Variants in RAB38 observed in about 807,000 individuals in gnomAD.
The protein encoded by RAB38 is RAB38, member RAS oncogene family.
Under a neutral mutation model 18.4 loss-of-function variants are expected in RAB38, and 15 were observed. The observed-to-expected ratio is 0.82, with a 90% confidence interval of 0.55 to 1.26. The LOEUF is 1.26. Among genes scored for constraint, RAB38 ranks in the 50% most tolerant of loss-of-function variants. The probability of loss-of-function intolerance (pLI) is 0.00; values close to 1 mark genes in which losing one functional copy is unlikely to be tolerated. For synonymous variants in RAB38, 101 were observed against 104.4 expected, an observed-to-expected ratio of 0.97 and a Z score of 0.20; for missense variants, 294 against 267.4, an observed-to-expected ratio of 1.10 and a Z score of -0.69.
intron 1 of RAB38, among the ~76,000 whole-genome samples, chr11:88,155,123 C>T (rs538996228): frequency 6.6e-6 from 1 of 152,280 alleles, no homozygotes; most frequent in South Asian, 2.1e-4. Flanking sequence ...TTGGTAGCTG[C>T]CCCCCAGATT....
At position 88,113,899 on chromosome 11, in the gene RAB38, A is replaced by G. The variant is rs2134766181; in HGVS notation, c.*89T>C. ...TTGGCTTGCCACATGTGGTATCTCT[A>G]TCCTGACGTTTACCCAAAATGGTAA... On this transcript the variant is annotated 3_prime_UTR_variant, in exon 3 of 3. Transcript: ENST00000243662. 1.3e-6 allele frequency: 2 copies of G among 1,509,860 alleles called. No homozygotes were observed. Among genetic ancestry groups the G allele is most frequent in the Middle Eastern group, 1.7e-4 (1 of 5,806 alleles). 93.5% of individuals were successfully genotyped at this position (1,509,860 alleles called of 1,614,324 possible). A position where few individuals can be genotyped will look rare whatever the true frequency, so the allele number is the denominator to read the frequency against.
intron 1 of RAB38, 80 bp from the exon 2 acceptor site, chr11:88,150,035 G>T: frequency 7.1e-7 from 1 of 1,417,656 alleles, no homozygotes. Flanking sequence ...AAGCCTCCAA[G>T]ATGAGCAAGT....
In RAB38 at chr11:88,168,575, G is replaced by A. The variant is rs149779593; in HGVS notation, c.202+6608C>T. The stretch of plus-strand genomic sequence containing the variant: ...GTAAGAGCAAAGATCAACCTATTCC[G>A]ATCACCCCTAAATTTCTCTGCTTAT... On this transcript the variant is annotated intron_variant, in intron 1 of 2. Transcript: ENST00000243662. Among the ~76,000 whole-genome samples, 57 of 152,138 alleles carry A rather than the reference G, an allele frequency of 3.7e-4. No individual in the cohort carries two copies. In the East Asian group the frequency reaches 9.1e-3, roughly 24 times the overall value.
rs1204739806 is a variant in RAB38, at chr11:88,114,436, A to C, written c.484-296T>G. 2.6e-5 allele frequency among the ~76,000 whole-genome samples: 4 copies of C among 152,372 alleles called. No homozygotes were observed. The East Asian group carries it at 7.7e-4, about 29-fold the overall frequency. ...CTTATTTTCACATTTTCACATACTCAAACTATAAAAATATTGTAGAAGAAA... is the reference window on the plus strand; with the variant it reads ...CTTATTTTCACATTTTCACATACTCCAACTATAAAAATATTGTAGAAGAAA... On this transcript the variant is annotated intron_variant, in intron 2 of 2. Transcript: ENST00000243662.
At chr11:87,954,595 G>T in the RAB38 span, among the ~76,000 whole-genome samples, 5,526 of 151,906 alleles carry the variant, frequency 0.036, 330 homozygotes, top group African/African-American at 0.13. Context: ...TTTTTCCTCA[G>T]TTTTCTGTGA....
intron 1 of RAB38, among the ~76,000 whole-genome samples, chr11:88,163,156 C>A (rs1463642455): frequency 6.6e-6 from 1 of 152,038 alleles, no homozygotes; most frequent in Admixed American, 6.6e-5. Context: ...ACTGTAGATT[C>A]CTTGAGTCCA....
the RAB38 span, among the ~76,000 whole-genome samples, chr11:87,858,316 G>T: frequency 1.3e-5 from 2 of 152,144 alleles, no homozygotes; most frequent in East Asian, 3.9e-4. Flanking sequence ...TTGGACTCAC[G>T]TTGTCATTTC....
At chr11:87,950,694 A>C in the RAB38 span, among the ~76,000 whole-genome samples, 5 of 152,248 alleles carry the variant, frequency 3.3e-5, no homozygotes, top group African/African-American at 1.2e-4. Flanking sequence ...TCTTTTCTTT[A>C]AGAATCTTGA....
the RAB38 span, among the ~76,000 whole-genome samples, chr11:88,107,535 T>C: frequency 4.4e-5 from 6 of 136,538 alleles, no homozygotes; most frequent in African/African-American, 1.4e-4. Context: ...CTCTCACTGT[T>C]GTTAAGAAAA....
At chr11:88,142,616 T>C (rs967462758) in intron 2 of RAB38, among the ~76,000 whole-genome samples, 7 of 152,212 alleles carry the variant, frequency 4.6e-5, no homozygotes, top group African/African-American at 1.7e-4. Flanking sequence ...AGTATCAGAA[T>C]CAGGGATTCT....
At chr11:87,816,144 A>T in the RAB38 span, 11 of 152,346 alleles carry the variant, frequency 7.2e-5, no homozygotes, top group East Asian at 5.8e-4. Flanking sequence ...TGCGTTTTGC[A>T]TATTTTGGTC....
the RAB38 span, among the ~76,000 whole-genome samples, chr11:87,892,922 T>C: frequency 6.6e-6 from 1 of 151,808 alleles, no homozygotes; most frequent in African/African-American, 2.4e-5. Flanking sequence ...TTCATATTGT[T>C]GAAATTGTCT....
chr11:87,910,530 G>T, the RAB38 span, among the ~76,000 whole-genome samples: 2 of 149,866 alleles, frequency 1.3e-5, no homozygotes, highest in Non-Finnish European at 1.5e-5. Flanking sequence ...AATAATATTT[G>T]TCTAACCCAA....
intron 2 of RAB38, among the ~76,000 whole-genome samples, chr11:88,131,751 C>T (rs1042912374): frequency 6.6e-6 from 1 of 152,192 alleles, no homozygotes; most frequent in Non-Finnish European, 1.5e-5. Context: ...ATGTCCACCC[C>T]CTAGGGTCAT....
the RAB38 span, among the ~76,000 whole-genome samples, chr11:87,949,377 G>T: frequency 5.3e-5 from 8 of 152,070 alleles, no homozygotes; most frequent in Non-Finnish European, 8.8e-5. Context: ...GGTTTTTTGT[G>T]TCTCTATTTC....
the RAB38 span, among the ~76,000 whole-genome samples, chr11:88,046,389 T>C: frequency 1.3e-5 from 2 of 152,144 alleles, no homozygotes; most frequent in Non-Finnish European, 2.9e-5. Context: ...TACTCTCCTA[T>C]CCTCAATACC....
the RAB38 span, among the ~76,000 whole-genome samples, chr11:87,865,460 T>C: frequency 1.3e-5 from 2 of 151,728 alleles, no homozygotes; most frequent in Admixed American, 1.3e-4. Flanking sequence ...TTCTGGCTCA[T>C]GCGTACCTAG....
chr11:87,834,877 C>T, the RAB38 span, among the ~76,000 whole-genome samples: 1 of 152,052 alleles, frequency 6.6e-6, no homozygotes, highest in Non-Finnish European at 1.5e-5. Flanking sequence ...GATAAATGCC[C>T]AATAAATGTT....
chr11:87,878,222 T>TATATATATATATATATATATACAC, the RAB38 span, among the ~76,000 whole-genome samples: 14 of 116,202 alleles, frequency 1.2e-4, no homozygotes, highest in South Asian at 8.2e-4. Context: ...TATATATATA[T>TATATATATATATATATATATACAC]ACACACATAT....
Sources: allele counts gnomAD v4.1 joint callset (sites outside exome capture counted in the v4.1 genomes callset), GRCh38; gene constraint gnomAD v4.1.1; transcripts MANE v1.5; gene names NCBI Gene and HGNC (gene_info 2026-07-23, HGNC 2026-07-21).